HYCC1: variants seen among roughly 807,000 people sequenced by gnomAD.
HYCC1 encodes the protein hyccin PI4KA lipid kinase complex subunit 1.
the HYCC1 span, chr7:22,934,812 TAG>T: frequency 1.3e-5 from 2 of 152,198 alleles, no homozygotes; most frequent in South Asian, 4.1e-4. Context: ...GGATGCTCGT[TAG>T]AGTCTTACTG....
chr7:23,000,824 G>T, the HYCC1 span, among the ~76,000 whole-genome samples: 2 of 151,764 alleles, frequency 1.3e-5, no homozygotes, highest in African/African-American at 2.4e-5. Context: ...ATAGACATCT[G>T]CATAAGAAGC....
chr7:22,964,637 C>A, the HYCC1 span: 1 of 682,250 alleles, frequency 1.5e-6, no homozygotes, highest in Non-Finnish European at 2.7e-6. Flanking sequence ...CATAACAAAC[C>A]TAATATTTAT....
the HYCC1 span, chr7:22,977,566 C>A: frequency 1.7e-6 from 1 of 572,992 alleles, no homozygotes; most frequent in Middle Eastern, 4.7e-4. Context: ...CATGATAATC[C>A]ATTATTATTC....
chr7:22,905,139 A>G, the HYCC1 span, among the ~76,000 whole-genome samples: 1 of 152,072 alleles, frequency 6.6e-6, no homozygotes, highest in Admixed American at 6.6e-5. Flanking sequence ...TTCATGACAG[A>G]TCCACCCCCG....
chr7:22,984,180 G>GAA, the HYCC1 span: 1 of 628,238 alleles, frequency 1.6e-6, no homozygotes, highest in Non-Finnish European at 2.8e-6. Flanking sequence ...TAACAGGTAT[G>GAA]AAGTTTCTTT....
At chr7:22,976,162 C>A in the HYCC1 span, 2 of 1,141,214 alleles carry the variant, frequency 1.8e-6, no homozygotes, top group East Asian at 2.3e-5. Flanking sequence ...GACTAGCAAT[C>A]ATAGATTCAT....
At chr7:22,914,064 G>C in the HYCC1 span, among the ~76,000 whole-genome samples, 1 of 152,084 alleles carries the variant, frequency 6.6e-6, no homozygotes, top group African/African-American at 2.4e-5. Context: ...CTCTCTAGTA[G>C]AAACAAAGGA....
At chr7:22,915,909 T>A in the HYCC1 span, among the ~76,000 whole-genome samples, 1 of 152,066 alleles carries the variant, frequency 6.6e-6, no homozygotes, top group East Asian at 1.9e-4. Flanking sequence ...CCCTGACTAT[T>A]CCTAGGCTAC....
the HYCC1 span, among the ~76,000 whole-genome samples, chr7:22,987,166 T>C: frequency 4.8e-4 from 73 of 152,356 alleles, 2 homozygotes; most frequent in East Asian, 0.014. Flanking sequence ...GATAATATTT[T>C]ATAAGTAAAT....
chr7:22,904,829 A>T, the HYCC1 span, among the ~76,000 whole-genome samples: 1 of 150,982 alleles, frequency 6.6e-6, no homozygotes, highest in African/African-American at 2.4e-5. Context: ...CTGTAGTCCC[A>T]GCTACTCAGG....
the HYCC1 span, among the ~76,000 whole-genome samples, chr7:22,981,826 A>G: frequency 6.6e-6 from 1 of 152,208 alleles, no homozygotes; most frequent in Admixed American, 6.5e-5. Context: ...GTGTGAGTTC[A>G]TGTTAGTCAT....
chr7:22,991,093 C>T, the HYCC1 span: 1 of 1,610,942 alleles, frequency 6.2e-7, no homozygotes, highest in Non-Finnish European at 8.5e-7. Flanking sequence ...TCCACAACCC[C>T]TTTCTCTGAA....
At chr7:22,983,512 G>T in the HYCC1 span, among the ~76,000 whole-genome samples, 2 of 152,222 alleles carry the variant, frequency 1.3e-5, no homozygotes, top group Non-Finnish European at 2.9e-5. Flanking sequence ...TTGCCACCTG[G>T]AAAACTTGTG....
chr7:22,910,313 G>C, the HYCC1 span, among the ~76,000 whole-genome samples: 1 of 152,144 alleles, frequency 6.6e-6, no homozygotes, highest in Admixed American at 6.6e-5. Context: ...TGGTTAAAAA[G>C]AGCCTGGCAT....
the HYCC1 span, among the ~76,000 whole-genome samples, chr7:23,007,496 AT>A: frequency 6.6e-6 from 1 of 152,284 alleles, no homozygotes; most frequent in Non-Finnish European, 1.5e-5. Flanking sequence ...GATCTTTATA[AT>A]TGTATTCAGT....
chr7:22,955,861 A>G, the HYCC1 span, among the ~76,000 whole-genome samples: 1 of 151,716 alleles, frequency 6.6e-6, no homozygotes, highest in African/African-American at 2.4e-5. Flanking sequence ...TTTGGAAACG[A>G]CATTTAAGAA....
At chr7:22,946,100 T>A in the HYCC1 span, 1 of 1,613,436 alleles carries the variant, frequency 6.2e-7, no homozygotes, top group East Asian at 2.2e-5. Context: ...AGCCCTGGAA[T>A]AAAATCCCTC....
the HYCC1 span, among the ~76,000 whole-genome samples, chr7:22,980,037 C>T: frequency 6.6e-6 from 1 of 152,094 alleles, no homozygotes; most frequent in African/African-American, 2.4e-5. Context: ...CAGAAGGAAA[C>T]TAAGACAAAG....
At chr7:23,000,584 T>C in the HYCC1 span, among the ~76,000 whole-genome samples, 5 of 152,206 alleles carry the variant, frequency 3.3e-5, no homozygotes, top group African/African-American at 1.2e-4. Context: ...AAATATGTGG[T>C]ACACTATTAC....
Sources: gnomAD v4.1 joint callset for allele counts (sites outside exome capture counted in the v4.1 genomes callset) on GRCh38, gnomAD v4.1.1 for gene constraint, MANE v1.5 for transcripts, NCBI Gene and HGNC (gene_info 2026-07-23, HGNC 2026-07-21) for gene names.